The following FKBP1B variants were observed in gnomAD, a reference collection of about 807,000 sequenced individuals.
The protein encoded by FKBP1B is FKBP prolyl isomerase 1B.
FKBP1B carries 4 observed loss-of-function variants against 13.5 expected under a neutral mutation model. That is an observed-to-expected ratio of 0.30 (90% CI 0.15 to 0.68). The LOEUF is 0.68. FKBP1B is among the 30% of genes least tolerant of loss of function. FKBP1B has a pLI of 0.76. For synonymous variants in FKBP1B, 54 were observed against 53.6 expected (o/e 1.01, Z -0.03); for missense variants, 93 against 136.2 (o/e 0.68, Z 1.58).
chr2:24,048,997 G>A (rs1386897073), upstream of FKBP1B, among the ~76,000 whole-genome samples: 2 of 152,090 alleles, frequency 1.3e-5, no homozygotes. Context: ...AGGGGTTTAG[G>A]GGTATGGGGG....
At chr2:24,046,762 CA>C (rs1398298388), upstream of FKBP1B, among the ~76,000 whole-genome samples, 1 of 152,180 alleles carries the variant, frequency 6.6e-6, no homozygotes, top group Non-Finnish European at 1.5e-5. Flanking sequence ...AAAAAACATT[CA>C]TCCAAAGAAA....
At chr2:24,034,902 T>A in the FKBP1B span, among the ~76,000 whole-genome samples, 2 of 151,976 alleles carry the variant, frequency 1.3e-5, no homozygotes, top group Non-Finnish European at 2.9e-5. Context: ...CCTTAGTTTT[T>A]AAAAATATAA....
At chr2:24,062,718 C>A (rs1425410293) in intron 3 of FKBP1B, among the ~76,000 whole-genome samples, 3 of 152,202 alleles carry the variant, frequency 2.0e-5, no homozygotes. Flanking sequence ...TATTCATACA[C>A]CCTCTTTTCC....
At chr2:24,047,879 A>G (rs1242522462), upstream of FKBP1B, among the ~76,000 whole-genome samples, 1 of 152,198 alleles carries the variant, frequency 6.6e-6, no homozygotes, top group Non-Finnish European at 1.5e-5. Context: ...GCCGCAGCCT[A>G]TGGATTTAGT....
upstream of FKBP1B, among the ~76,000 whole-genome samples, chr2:24,048,178 C>A (rs1188072838): frequency 6.6e-6 from 1 of 152,000 alleles, no homozygotes; most frequent in African/African-American, 2.4e-5. Context: ...TTTTTCTTTT[C>A]TTTTCTTTTT....
Position 24,063,459 on chromosome 2 carries a change from A to ATTTTT in FKBP1B, c.*267_*268insTTTTT. Reference sequence around the variant, plus strand: ...ATGCATGTAGTAGCCTTTCCTGATGACAGAACACAGATCTCTTGTTCGCAC... The same window carrying ATTTTT: ...ATGCATGTAGTAGCCTTTCCTGATGATTTTTCAGAACACAGATCTCTTGTTCGCAC... On this transcript the variant is annotated 3_prime_UTR_variant, in exon 4 of 4. Coordinates refer to ENST00000380986, the MANE Select transcript of FKBP1B (RefSeq NM_004116.5). The ATTTTT allele has an allele frequency of 2.6e-6, 1 of 381,856 alleles. No homozygotes were observed. The highest frequency in any genetic ancestry group is 4.7e-6 in the Non-Finnish European group (1 of 214,156). 23.7% of individuals were successfully genotyped at this position (381,856 alleles called of 1,614,324 possible).
In FKBP1B at chr2:24,051,636, A is replaced by G. The variant is rs533802651; in HGVS notation, c.37+1750A>G. On this transcript the variant is annotated intron_variant, in intron 1 of 3. Coordinates refer to ENST00000380986, the MANE Select transcript of FKBP1B (RefSeq NM_004116.5). ...CAGACAGGGTTCCCGCTATTGCTGG[A>G]CTGAGGGCCTTTGAACATGTTACAT... Among the ~76,000 whole-genome samples, 366 of 152,324 alleles carry G rather than the reference A, an allele frequency of 2.4e-3. 7 individuals carry two copies. The highest frequency in any genetic ancestry group is 7.8e-4 in the Non-Finnish European group (53 of 68,018).
Position 24,063,322 on chromosome 2 carries a change from C to G in FKBP1B, c.*130C>G. On this transcript the variant is annotated 3_prime_UTR_variant, in exon 4 of 4. Transcript: ENST00000380986. ...TAACCTCACTGCCTCATGGCATCAT[C>G]CATTCTCTCTGCCCAAGTTGCTCTG... 1 of 867,516 alleles carries G rather than the reference C, an allele frequency of 1.2e-6. No individual in the cohort carries two copies. Among genetic ancestry groups the G allele is most frequent in the Non-Finnish European group, 1.7e-6 (1 of 598,144 alleles). 53.7% of individuals were successfully genotyped at this position (867,516 alleles called of 1,614,324 possible).
At chr2:24,057,957 G>T (rs1455698703) in intron 2 of FKBP1B, among the ~76,000 whole-genome samples, 1 of 151,958 alleles carries the variant, frequency 6.6e-6, no homozygotes, top group Non-Finnish European at 1.5e-5. Flanking sequence ...AGCACTTTGG[G>T]AGGCCAAGGC....
chr2:24,043,489 C>T, the FKBP1B span, among the ~76,000 whole-genome samples: 10 of 132,970 alleles, frequency 7.5e-5, no homozygotes, highest in Admixed American at 1.4e-4. Flanking sequence ...ACTGTCTCTA[C>T]TTAAAACAAA....
chr2:24,038,353 C>A, the FKBP1B span: 5 of 1,614,020 alleles, frequency 3.1e-6, no homozygotes, highest in African/African-American at 1.3e-5. Context: ...GTTCTCTAAT[C>A]GAATTTGCTG....
the FKBP1B span, among the ~76,000 whole-genome samples, chr2:24,040,043 C>T: frequency 4.6e-4 from 70 of 152,142 alleles, no homozygotes; most frequent in African/African-American, 1.6e-3. Context: ...TCAGGCAATC[C>T]ACCCACCTCA....
chr2:24,042,804 G>A, the FKBP1B span, among the ~76,000 whole-genome samples: 2 of 151,870 alleles, frequency 1.3e-5, no homozygotes, highest in Non-Finnish European at 2.9e-5. Context: ...AGGCCGAGGC[G>A]GGCAGATCAC....
At chr2:24,052,266 T>C (rs1351278283) in intron 1 of FKBP1B, among the ~76,000 whole-genome samples, 3 of 152,244 alleles carry the variant, frequency 2.0e-5, no homozygotes, top group African/African-American at 4.8e-5. Flanking sequence ...AGTGATGTTA[T>C]AAAATCTTAA....
At chr2:24,037,479 CT>C in the FKBP1B span, among the ~76,000 whole-genome samples, 3 of 152,188 alleles carry the variant, frequency 2.0e-5, no homozygotes, top group East Asian at 3.8e-4. Flanking sequence ...ATGATGCAGA[CT>C]GATATGTGCG....
At chr2:24,060,968 G>A in intron 3 of FKBP1B, 42 bp downstream of exon 3, 1 of 1,459,024 alleles carries the variant, frequency 6.9e-7, no homozygotes, top group Non-Finnish European at 9.6e-7. Context: ...GGGGAGTTGG[G>A]GATCTGGGAT....
At chr2:24,036,969 A>G in the FKBP1B span, among the ~76,000 whole-genome samples, 6 of 152,388 alleles carry the variant, frequency 3.9e-5, no homozygotes, top group African/African-American at 1.4e-4. Flanking sequence ...GATCCCACTT[A>G]TATAATGTTT....
intron 1 of FKBP1B, among the ~76,000 whole-genome samples, chr2:24,051,908 C>T (rs539023371): frequency 1.3e-5 from 2 of 152,082 alleles, no homozygotes; most frequent in African/African-American, 2.4e-5. Flanking sequence ...CCAGTGCAGA[C>T]TCTTCATCTG....
At chr2:24,041,814 C>T in the FKBP1B span, among the ~76,000 whole-genome samples, 1,321 of 135,434 alleles carry the variant, frequency 9.8e-3, 23 homozygotes, top group African/African-American at 0.035. Context: ...GCTCAGATGG[C>T]GCCACTGCAC....
Sources: allele counts gnomAD v4.1 joint callset (sites outside exome capture counted in the v4.1 genomes callset), GRCh38; gene constraint gnomAD v4.1.1; transcripts MANE v1.5; gene names NCBI Gene and HGNC (gene_info 2026-07-23, HGNC 2026-07-21).